GLCCI1: variants seen among roughly 807,000 people sequenced by gnomAD.
GLCCI1 encodes glucocorticoid induced 1.
In GLCCI1, 24 loss-of-function variants were observed where a neutral mutation model predicts 52.2. The observed-to-expected ratio is 0.46, with a 90% CI of 0.33 to 0.65. The LOEUF (loss-of-function observed/expected upper bound fraction) is 0.65. Among genes scored for constraint, GLCCI1 ranks in the 30% least tolerant of loss-of-function variants. GLCCI1 has a pLI of 0.02. For missense variants in GLCCI1, 704 were observed against 701.5 expected (o/e 1.00, Z -0.04); for synonymous variants, 310 against 276.5 (o/e 1.12, Z -1.20).
intron 3 of GLCCI1, among the ~76,000 whole-genome samples, chr7:8,025,508 C>G (rs1246793208): frequency 3.3e-5 from 5 of 150,830 alleles, no homozygotes; most frequent in Non-Finnish European, 5.9e-5. Flanking sequence ...GAAGATAAGT[C>G]AATAGAATTT....
intron 2 of GLCCI1, among the ~76,000 whole-genome samples, chr7:8,013,895 G>T (rs1036899012): frequency 6.7e-6 from 1 of 149,828 alleles, no homozygotes; most frequent in African/African-American, 2.5e-5. Flanking sequence ...CATCCTTTTC[G>T]TTATTTATTT....
chr7:8,043,592 A>C (rs1220797896), intron 3 of GLCCI1, among the ~76,000 whole-genome samples: 1 of 152,230 alleles, frequency 6.6e-6, no homozygotes, highest in African/African-American at 2.4e-5. Context: ...TTGACAATAA[A>C]TAGAATGAAG....
intron 5 of GLCCI1, among the ~76,000 whole-genome samples, chr7:8,060,997 T>C (rs1289630302): frequency 1.3e-5 from 2 of 152,196 alleles, no homozygotes; most frequent in African/African-American, 4.8e-5. Context: ...TGTCCTTTTT[T>C]AATTATAGCA....
At chr7:7,995,909 T>A (rs1046782309) in intron 1 of GLCCI1, among the ~76,000 whole-genome samples, 2 of 151,104 alleles carry the variant, frequency 1.3e-5, no homozygotes, top group Admixed American at 6.6e-5. Context: ...ATAAAAAAAA[T>A]AAAATAAATT....
intron 2 of GLCCI1, among the ~76,000 whole-genome samples, chr7:8,021,483 G>A (rs1039647847): frequency 5.9e-5 from 9 of 152,224 alleles, no homozygotes; most frequent in African/African-American, 1.9e-4. Flanking sequence ...CACAATCTTG[G>A]CTCACTGCAG....
At position 7,969,362 on chromosome 7, in the gene GLCCI1, C is replaced by T. The variant is rs1438556997; in HGVS notation, c.12C>T (p.Ala4=). The T allele has an allele frequency of 7.5e-6, 10 of 1,338,096 alleles. No individual in the cohort carries two copies. Among genetic ancestry groups the T allele is most frequent in the Admixed American group, 4.7e-5 (2 of 42,826 alleles). 82.9% of individuals were successfully genotyped at this position (1,338,096 alleles called of 1,614,324 possible). MST[A]SSSSSSSSSQ... is the part of the protein sequence containing the mutation. ...CCCGCAGAGCCACCATGTCCACTGC[C>T]TCCTCCTCCTCCTCCTCCAGTTCCT... The change falls in exon 1 of 8, where the codon GCC becomes GCT. Residue 4 remains alanine, a synonymous_variant. Coordinates refer to ENST00000223145, the MANE Select transcript of GLCCI1 (RefSeq NM_138426.4). This position sits in a 1 kb window ranked among gnomAD's most constrained non-coding sequence, Gnocchi z 4.9.
intron 3 of GLCCI1, among the ~76,000 whole-genome samples, chr7:8,038,690 A>G (rs1328956695): frequency 6.6e-6 from 1 of 152,204 alleles, no homozygotes; most frequent in African/African-American, 2.4e-5. Context: ...AACCTAGGAC[A>G]AACTTGAACA....
intron 1 of GLCCI1, among the ~76,000 whole-genome samples, chr7:7,987,349 T>G (rs1205808462): frequency 6.6e-6 from 1 of 152,226 alleles, no homozygotes; most frequent in African/African-American, 2.4e-5. Context: ...CGTTTCCAGG[T>G]AAAGAGAAGT....
chr7:8,001,338 C>A (rs59427694), intron 1 of GLCCI1, among the ~76,000 whole-genome samples: 7,384 of 152,236 alleles, frequency 0.049, 292 homozygotes, highest in East Asian at 0.18. Context: ...GTTGAAAGTT[C>A]TTTTCTTTAA....
In GLCCI1 at chr7:8,037,877, C is replaced by T. The variant is rs561394529; in HGVS notation, c.696+15308C>T. ...TATATATGCACCCAATACTAGGCCA[C>T]CCAGATTCATAAAGCAGATACTGCT... is the stretch of plus-strand genomic sequence containing the variant. On this transcript the variant is annotated intron_variant, in intron 3 of 7. Transcript: ENST00000223145. 1.6e-4 allele frequency among the ~76,000 whole-genome samples: 24 copies of T among 152,184 alleles called. No homozygotes were observed. The South Asian group carries it at 4.8e-3, about 30-fold the overall frequency.
At chr7:8,080,532 GAC>G (rs944576546) in intron 6 of GLCCI1, among the ~76,000 whole-genome samples, 18 of 151,420 alleles carry the variant, frequency 1.2e-4, no homozygotes, top group Admixed American at 7.2e-4. Context: ...ATCATGAACT[GAC>G]AGAGTTCATG....
chr7:8,068,224 C>G (rs1242401299), intron 5 of GLCCI1, among the ~76,000 whole-genome samples: 1 of 152,090 alleles, frequency 6.6e-6, no homozygotes, highest in Non-Finnish European at 1.5e-5. Context: ...GTGGTGGGCA[C>G]CTATAATCCC....
At chr7:7,999,017 T>C (rs73049293) in intron 1 of GLCCI1, among the ~76,000 whole-genome samples, 5,574 of 152,044 alleles carry the variant, frequency 0.037, 142 homozygotes, top group Non-Finnish European at 0.057. Context: ...ATATCATAGA[T>C]ATCCAGTTCA....
chr7:8,038,878 G>A (rs1378721044), intron 3 of GLCCI1, among the ~76,000 whole-genome samples: 1 of 151,934 alleles, frequency 6.6e-6, no homozygotes, highest in Admixed American at 6.6e-5. Context: ...AAGGACTAAT[G>A]CACAGAATCT....
Position 8,003,922 on chromosome 7 carries a change from T to A in GLCCI1, c.472T>A (p.Ser158Thr). The change falls in exon 2 of 8, where the codon TCT becomes ACT. Residue 158 changes from serine (S) to threonine (T), a missense_variant. Around this residue, in one of 3 missense-constraint regions of GLCCI1, gnomAD observed 547 missense variants for 524.8 expected, o/e 1.04. Transcript: ENST00000223145. The stretch of plus-strand genomic sequence containing the variant: ...ACTTTCTGTAGCGGACAAGGCAAAA[T>A]CTCAGCAAGTTCGGACCTCTAGTAC... ...SPVCRADKAK[S>T]QQVRTSSTIR... 1.2e-6 allele frequency: 2 copies of A among 1,611,516 alleles called. No homozygotes were observed. The highest frequency in any genetic ancestry group is 1.7e-6 in the Non-Finnish European group (2 of 1,178,948).
chr7:7,986,356 C>G (rs980052124), intron 1 of GLCCI1, among the ~76,000 whole-genome samples: 1 of 130,952 alleles, frequency 7.6e-6, no homozygotes, highest in Non-Finnish European at 1.6e-5. Context: ...ACTAAAAATA[C>G]AAAAAATTAG....
At chr7:7,990,806 A>G (rs1039704081) in intron 1 of GLCCI1, among the ~76,000 whole-genome samples, 14 of 152,114 alleles carry the variant, frequency 9.2e-5, no homozygotes, top group Non-Finnish European at 2.1e-4. Flanking sequence ...AAATGCTAGA[A>G]TTAACGTCTG....
At chr7:8,007,338 C>T (rs574851107) in intron 2 of GLCCI1, among the ~76,000 whole-genome samples, 183 of 152,190 alleles carry the variant, frequency 1.2e-3, no homozygotes, top group Admixed American at 3.5e-3. Flanking sequence ...ATATGTACTA[C>T]GTACGTAGTA....
At chr7:8,057,850 A>T (rs558082511) in intron 4 of GLCCI1, among the ~76,000 whole-genome samples, 1 of 152,176 alleles carries the variant, frequency 6.6e-6, no homozygotes, top group African/African-American at 2.4e-5. Flanking sequence ...TCAAATTTAC[A>T]TTGAATTTTT....
Sources: gnomAD v4.1 joint callset for allele counts (sites outside exome capture counted in the v4.1 genomes callset) on GRCh38, gnomAD v4.1.1 for gene constraint, gnomAD v4.1.1 regional missense constraint, Gnocchi (gnomAD v3.1) non-coding constraint, MANE v1.5 for transcripts, NCBI Gene and HGNC (gene_info 2026-07-23, HGNC 2026-07-21) for gene names.